Variants in STK32B observed in about 807,000 individuals in gnomAD.
STK32B encodes serine/threonine-protein kinase 32B.
Under a neutral mutation model 52.6 loss-of-function variants are expected in STK32B, and 43 were observed. The observed-to-expected ratio is 0.82, with a 90% confidence interval of 0.64 to 1.05. The LOEUF (loss-of-function observed/expected upper bound fraction) is 1.05. Ranked by LOEUF, STK32B falls within the 50% of genes least tolerant of loss-of-function variation. The pLI is 0.00. For synonymous variants in STK32B, 238 were observed against 204.3 expected (o/e 1.17, Z -1.41); for missense variants, 621 against 534.6 (o/e 1.16, Z -1.59).
chr4:5,200,536 A>G (rs1054147197), intron 3 of STK32B, among the ~76,000 whole-genome samples: 14 of 152,100 alleles, frequency 9.2e-5, no homozygotes, highest in Non-Finnish European at 1.9e-4. Context: ...GCCCACAGGG[A>G]TCGTGCGGCA....
intron 6 of STK32B, among the ~76,000 whole-genome samples, chr4:5,417,161 G>T (rs1712235217): frequency 6.6e-6 from 1 of 152,188 alleles, no homozygotes; most frequent in African/African-American, 2.4e-5. Context: ...GAGAACTCCT[G>T]CTCAGCCAGA....
intron 4 of STK32B, among the ~76,000 whole-genome samples, chr4:5,354,877 G>A (rs1560346519): frequency 6.6e-6 from 1 of 151,910 alleles, no homozygotes; most frequent in South Asian, 2.1e-4. Flanking sequence ...AGTGAAAGAG[G>A]GAGGCAGAAG....
chr4:5,254,965 A>T (rs1489755030), intron 3 of STK32B, among the ~76,000 whole-genome samples: 4 of 144,334 alleles, frequency 2.8e-5, no homozygotes, highest in East Asian at 2.0e-4. Flanking sequence ...ATCATTCACT[A>T]ATATATATAT....
At chr4:5,193,586 G>T (rs753060058) in intron 3 of STK32B, among the ~76,000 whole-genome samples, 1 of 152,222 alleles carries the variant, frequency 6.6e-6, no homozygotes, top group East Asian at 1.9e-4. Context: ...CTTCTCCTCC[G>T]GCTGTGCTGC....
intron 6 of STK32B, among the ~76,000 whole-genome samples, chr4:5,421,977 G>A (rs909326546): frequency 6.6e-6 from 1 of 152,174 alleles, no homozygotes; most frequent in Non-Finnish European, 1.5e-5. Flanking sequence ...ACACCAAGCT[G>A]CCTTTTTGAC....
chr4:5,206,906 C>T (rs563692083), intron 3 of STK32B, among the ~76,000 whole-genome samples: 1 of 152,198 alleles, frequency 6.6e-6, no homozygotes, highest in African/African-American at 2.4e-5. Context: ...CTGTATCATT[C>T]TTCCCACCCA....
intron 3 of STK32B, among the ~76,000 whole-genome samples, chr4:5,238,956 C>A (rs10012396): frequency 0.18 from 26,913 of 152,178 alleles, 4,440 homozygotes; most frequent in African/African-American, 0.44. Context: ...GTAGAAGAGG[C>A]ATTCCTTAAT....
chr4:5,080,342 G>T (rs999611262), intron 1 of STK32B, among the ~76,000 whole-genome samples: 1 of 152,152 alleles, frequency 6.6e-6, no homozygotes, highest in Non-Finnish European at 1.5e-5. Context: ...TGTCACATTT[G>T]CTTTCTTGCT....
chr4:5,458,765 G>C (rs1716783132), intron 8 of STK32B: 1 of 152,400 alleles, frequency 6.6e-6, no homozygotes, highest in East Asian at 1.9e-4. Flanking sequence ...CTTTCGGAGG[G>C]ATGCACATGG....
intron 1 of STK32B, among the ~76,000 whole-genome samples, chr4:5,061,198 C>T (rs1263966868): frequency 6.6e-6 from 1 of 152,108 alleles, no homozygotes; most frequent in Non-Finnish European, 1.5e-5. Context: ...TTTTTTCTCT[C>T]CTTGTTTTTA....
At chr4:5,434,567 T>A (rs1713880241) in intron 6 of STK32B, among the ~76,000 whole-genome samples, 1 of 151,978 alleles carries the variant, frequency 6.6e-6, no homozygotes, top group Admixed American at 6.6e-5. Context: ...ATCATTCTGG[T>A]TGATCTTGGG....
In STK32B at chr4:5,469,533, C is replaced by A. The variant is rs1415582248; in HGVS notation, c.1106+1463C>A. On this transcript the variant is annotated intron_variant, in intron 11 of 11. Coordinates refer to ENST00000282908, the MANE Select transcript of STK32B (RefSeq NM_018401.3). The surrounding 1 kb of genome is among the most constrained non-coding windows in gnomAD (Gnocchi z 4.7). ...GAGTGAGGAGAGGTGAGGGATGGGG[C>A]AGGGATGGGTGTTTGGGTTCCAGCC... Among the ~76,000 whole-genome samples the A allele has an allele frequency of 2.0e-5, 3 of 152,170 alleles. No individual in the cohort carries two copies. The highest frequency in any genetic ancestry group is 1.9e-4 in the East Asian group (1 of 5,184).
chr4:5,383,740 G>A (rs2109026403), intron 4 of STK32B, among the ~76,000 whole-genome samples: 1 of 152,310 alleles, frequency 6.6e-6, no homozygotes, highest in South Asian at 2.1e-4. Flanking sequence ...CAGGGGCAGG[G>A]CCATCCTGAG....
rs1741888701 is a variant in STK32B at position 5,053,879 on chromosome 4, T to C, written c.52+1964T>C. ...CTGTAATCCCAGCTACTCAGGAGGC[T>C]GAGGCAGGAGAATCGCTTGAACCCG... is the stretch of plus-strand genomic sequence containing the variant. On this transcript the variant is annotated intron_variant, in intron 1 of 11. Coordinates refer to ENST00000282908, the MANE Select transcript of STK32B (RefSeq NM_018401.3). 2.0e-5 allele frequency among the ~76,000 whole-genome samples: 3 copies of C among 151,912 alleles called. No homozygotes were observed. In the South Asian group the frequency reaches 6.2e-4, roughly 32 times the overall value.
In STK32B at chr4:5,155,396, G is replaced by A. The variant is rs6446327; in HGVS notation, c.109-12903G>A. Among the ~76,000 whole-genome samples the A allele has an allele frequency of 1.8e-3, 280 of 152,138 alleles. 1 individual carries two copies. The highest frequency in any genetic ancestry group is 6.6e-3 in the African/African-American group (272 of 41,496). On this transcript the variant is annotated intron_variant, in intron 2 of 11. Coordinates refer to ENST00000282908, the MANE Select transcript of STK32B (RefSeq NM_018401.3). ...AGGGCAGCAATGTTTCCTCTTGTTC[G>A]CTGTTTTATCCCTAGCTCCTGCTAA...
chr4:5,429,820 T>G (rs1713419303), intron 6 of STK32B, among the ~76,000 whole-genome samples: 1 of 152,124 alleles, frequency 6.6e-6, no homozygotes, highest in African/African-American at 2.4e-5. Flanking sequence ...TTTCCTTATA[T>G]TGTTACAAGA....
At chr4:5,377,669 G>A (rs1273139111) in intron 4 of STK32B, among the ~76,000 whole-genome samples, 1 of 152,190 alleles carries the variant, frequency 6.6e-6, no homozygotes, top group African/African-American at 2.4e-5. Flanking sequence ...TCATGGGGGT[G>A]TCTTCTCCCA....
chr4:5,443,002 G>T (rs1163112397), intron 6 of STK32B, among the ~76,000 whole-genome samples: 1 of 151,340 alleles, frequency 6.6e-6, no homozygotes, highest in South Asian at 2.1e-4. Context: ...TTCCCTTTGA[G>T]GGTAACCCGA....
At position 5,280,854 on chromosome 4, in the gene STK32B, G is replaced by A. The variant is rs142586399; in HGVS notation, c.261-50366G>A. 8.1e-3 allele frequency among the ~76,000 whole-genome samples: 1,238 copies of A among 152,192 alleles called. 14 individuals carry two copies. Among genetic ancestry groups the A allele is most frequent in the Middle Eastern group, 0.014 (4 of 294 alleles). ...GCAGAGGTTGCAGTGAGCCGACATC[G>A]TACCACTGCACTCCAGCCTGGGAGA... On this transcript the variant is annotated intron_variant, in intron 3 of 11. Coordinates refer to ENST00000282908, the MANE Select transcript of STK32B (RefSeq NM_018401.3).
Sources: gnomAD v4.1 joint callset for allele counts (sites outside exome capture counted in the v4.1 genomes callset) on GRCh38, gnomAD v4.1.1 for gene constraint, Gnocchi (gnomAD v3.1) non-coding constraint, MANE v1.5 for transcripts, NCBI Gene and HGNC (gene_info 2026-07-23, HGNC 2026-07-21) for gene names.